Variants in WWOX observed in about 807,000 individuals in gnomAD.
The protein encoded by WWOX is WW domain containing oxidoreductase.
A neutral mutation model predicts 46.2 loss-of-function variants in WWOX; 69 were observed. The ratio of observed to expected loss-of-function variants is 1.49; its 90% CI spans 1.23 to 1.82. The LOEUF (loss-of-function observed/expected upper bound fraction) is 1.82, where lower values mean the gene tolerates loss of function less well. Ranked by LOEUF, WWOX falls within the 40% of genes most tolerant of loss-of-function variation. The pLI, the probability that WWOX is intolerant of heterozygous loss-of-function variation, is 0.00. For synonymous variants in WWOX, 359 were observed against 202.6 expected (o/e 1.77, Z -6.56); for missense variants, 919 against 542.6 (o/e 1.69, Z -6.89).
At position 78,658,110 on chromosome 16, in the gene WWOX, G is replaced by T. The variant is rs531660208; in HGVS notation, c.1056+225358G>T. On this transcript the variant is annotated intron_variant, in intron 8 of 8. Coordinates refer to ENST00000566780, the MANE Select transcript of WWOX (RefSeq NM_016373.4). The stretch of plus-strand genomic sequence containing the variant: ...CAACATCACTGGCCTCTACCCACTA[G>T]ATGCCAGTAGCATCTTCTATTTCCT... Among the ~76,000 whole-genome samples, 7 of 152,186 alleles carry T rather than the reference G, an allele frequency of 4.6e-5. No homozygotes were observed. The South Asian group carries it at 1.5e-3, about 32-fold the overall frequency.
At chr16:78,154,844 T>C (rs1057262121) in intron 4 of WWOX, among the ~76,000 whole-genome samples, 1 of 152,164 alleles carries the variant, frequency 6.6e-6, no homozygotes, top group African/African-American at 2.4e-5. Context: ...TGTGAACGTA[T>C]GGACTGAGGG....
chr16:78,526,539 G>A (rs2043473413), intron 8 of WWOX: 1 of 152,154 alleles, frequency 6.6e-6, no homozygotes, highest in Admixed American at 6.5e-5. Context: ...CTTTTCCATG[G>A]GCCCAACACC....
chr16:78,805,123 C>G (rs977609982), intron 8 of WWOX, among the ~76,000 whole-genome samples: 12 of 149,410 alleles, frequency 8.0e-5, no homozygotes, highest in Admixed American at 3.4e-4. Context: ...ACCAAAATAT[C>G]AAAATTTAAG....
intron 5 of WWOX, among the ~76,000 whole-genome samples, chr16:78,203,082 C>T (rs776651509): frequency 1.3e-5 from 2 of 152,190 alleles, no homozygotes; most frequent in Non-Finnish European, 2.9e-5. Flanking sequence ...TCAGCCTATC[C>T]TTGAACTGGT....
chr16:78,500,907 G>A (rs1016350072), intron 8 of WWOX, among the ~76,000 whole-genome samples: 1 of 152,196 alleles, frequency 6.6e-6, no homozygotes, highest in African/African-American at 2.4e-5. Context: ...TTCAAAGCCA[G>A]TGTGTCTCTT....
Position 78,794,572 on chromosome 16 carries a change from C to T in WWOX, c.1056+361820C>T, listed in dbSNP as rs370574042. Among the ~76,000 whole-genome samples, 7 of 152,290 alleles carry T rather than the reference C, an allele frequency of 4.6e-5. No homozygotes were observed. The East Asian group carries it at 1.2e-3, about 25-fold the overall frequency. ...TATCTAAGAGGTAATAACCCTAATACCTCTTAGTGTTGCTGTGAGAATTAA... is the reference window on the plus strand; with the variant it reads ...TATCTAAGAGGTAATAACCCTAATATCTCTTAGTGTTGCTGTGAGAATTAA... On this transcript the variant is annotated intron_variant, in intron 8 of 8. Transcript: ENST00000566780.
chr16:78,976,773 A>G (rs1034876323), intron 8 of WWOX, among the ~76,000 whole-genome samples: 2 of 152,204 alleles, frequency 1.3e-5, no homozygotes, highest in African/African-American at 4.8e-5. Context: ...ACCGTTTAAA[A>G]TACTTTTTCC....
In WWOX at chr16:78,563,987, C is replaced by T. The variant is rs185944032; in HGVS notation, c.1056+131235C>T. On this transcript the variant is annotated intron_variant, in intron 8 of 8. Transcript: ENST00000566780. ...TTTTATGTTGGTGCTTGCCCACTTG[C>T]TGTGCTACGAACCCTTTTACTTCTG... 2.2e-4 allele frequency among the ~76,000 whole-genome samples: 34 copies of T among 151,840 alleles called. No homozygotes were observed. The East Asian group carries it at 5.4e-3, about 24-fold the overall frequency.
At chr16:78,124,930 A>G (rs1019351256) in intron 4 of WWOX, among the ~76,000 whole-genome samples, 1 of 152,082 alleles carries the variant, frequency 6.6e-6, no homozygotes, top group South Asian at 2.1e-4. Context: ...TACTATTTCT[A>G]CCTAGGTGGA....
At chr16:78,266,615 G>A (rs1194008351) in intron 5 of WWOX, among the ~76,000 whole-genome samples, 1 of 152,122 alleles carries the variant, frequency 6.6e-6, no homozygotes, top group Non-Finnish European at 1.5e-5. Flanking sequence ...TAGGGATGTA[G>A]GTGAGCTTTT....
At chr16:78,992,469 A>C (rs2046907504) in intron 8 of WWOX, among the ~76,000 whole-genome samples, 1 of 152,162 alleles carries the variant, frequency 6.6e-6, no homozygotes, top group African/African-American at 2.4e-5. Context: ...TCTATCTCAA[A>C]AAAACAAAAC....
In WWOX at chr16:78,850,085, T is replaced by C. The variant is rs546402105; in HGVS notation, c.1057-361523T>C. ...GAAATTCCTTCTTAAAAAAAAAAAA[T>C]AGAGTGATAGAGTGAGAATTTGGCT... On this transcript the variant is annotated intron_variant, in intron 8 of 8. Coordinates refer to ENST00000566780, the MANE Select transcript of WWOX (RefSeq NM_016373.4). Among the ~76,000 whole-genome samples, 12 of 150,700 alleles carry C rather than the reference T, an allele frequency of 8.0e-5. 1 individual carries two copies. The South Asian group carries it at 8.4e-4, about 11-fold the overall frequency.
chr16:78,980,906 C>G (rs769089798), intron 8 of WWOX, among the ~76,000 whole-genome samples: 2 of 152,106 alleles, frequency 1.3e-5, no homozygotes, highest in Non-Finnish European at 2.9e-5. Flanking sequence ...GTGATGGTAT[C>G]TCCGTTTTTA....
chr16:79,127,762 G>C (rs1406841789), intron 8 of WWOX, among the ~76,000 whole-genome samples: 1 of 152,174 alleles, frequency 6.6e-6, no homozygotes, highest in Non-Finnish European at 1.5e-5. Flanking sequence ...GGCATTTCCT[G>C]ACTCCATGCT....
intron 8 of WWOX, among the ~76,000 whole-genome samples, chr16:78,654,963 A>G (rs561977378): frequency 6.6e-6 from 1 of 152,130 alleles, no homozygotes; most frequent in African/African-American, 2.4e-5. Flanking sequence ...CATCTATGTG[A>G]CCACATTTAA....
At chr16:78,342,448 A>T (rs1466549019) in intron 5 of WWOX, among the ~76,000 whole-genome samples, 2 of 120,680 alleles carry the variant, frequency 1.7e-5, no homozygotes, top group East Asian at 3.9e-4. Flanking sequence ...ATGAAGCAGC[A>T]TTTTTTATGG....
chr16:79,194,786 T>A (rs182663387), intron 8 of WWOX, among the ~76,000 whole-genome samples: 7 of 152,286 alleles, frequency 4.6e-5, no homozygotes, highest in Non-Finnish European at 8.8e-5. Flanking sequence ...TTTTTCCCCG[T>A]ATTATACATT....
chr16:78,880,829 G>A lies in WWOX; in HGVS notation c.1057-330779G>A, dbSNP rs1448350239. Among the ~76,000 whole-genome samples, 5 of 152,234 alleles carry A rather than the reference G, an allele frequency of 3.3e-5. No individual in the cohort carries two copies. In the East Asian group the frequency reaches 9.7e-4, roughly 29 times the overall value. On this transcript the variant is annotated intron_variant, in intron 8 of 8. Coordinates refer to ENST00000566780, the MANE Select transcript of WWOX (RefSeq NM_016373.4). Reference sequence around the variant, plus strand: ...TCCCAACATGGGAGTATGTTTCTAAGTTGGGATCAGTTCACGATTCAGAGA... The same window carrying A: ...TCCCAACATGGGAGTATGTTTCTAAATTGGGATCAGTTCACGATTCAGAGA...
At chr16:78,426,238 A>G (rs1397101732) in intron 7 of WWOX, among the ~76,000 whole-genome samples, 3 of 152,178 alleles carry the variant, frequency 2.0e-5, no homozygotes, top group Non-Finnish European at 4.4e-5. Context: ...TGGCCCTGTT[A>G]AGGGGCGAGG....
Sources: gnomAD v4.1 joint callset for allele counts (sites outside exome capture counted in the v4.1 genomes callset) on GRCh38, gnomAD v4.1.1 for gene constraint, MANE v1.5 for transcripts, NCBI Gene and HGNC (gene_info 2026-07-23, HGNC 2026-07-21) for gene names.